Variants in ATP8A2 observed in about 807,000 individuals in gnomAD.
ATP8A2 encodes the protein phospholipid-transporting ATPase IB.
Under a neutral mutation model 165.6 loss-of-function variants are expected in ATP8A2, and 100 were observed. The ratio of observed to expected loss-of-function variants is 0.60; its 90% CI spans 0.51 to 0.71. ATP8A2 has a LOEUF of 0.71. ATP8A2 is among the 30% of genes least tolerant of loss of function. ATP8A2 has a pLI of 0.00. For missense variants in ATP8A2, 1,227 were observed against 1,479.5 expected (o/e 0.83, Z 2.80); for synonymous variants, 543 against 548.8 (o/e 0.99, Z 0.15).
intron 33 of ATP8A2, among the ~76,000 whole-genome samples, chr13:25,927,915 C>T (rs978042168): frequency 2.0e-5 from 3 of 152,164 alleles, no homozygotes; most frequent in South Asian, 2.1e-4. Context: ...TTTACATTGC[C>T]GAAGATGGCT....
At chr13:25,837,077 A>G (rs1951632266) in intron 28 of ATP8A2, 86 bp from the exon 29 acceptor site, 1 of 1,531,464 alleles carries the variant, frequency 6.5e-7, no homozygotes, top group Non-Finnish European at 8.8e-7. Flanking sequence ...CTTGACTGGA[A>G]GTGAAGTCAT....
chr13:25,497,680 C>T (rs918030207), intron 2 of ATP8A2, among the ~76,000 whole-genome samples: 8 of 152,044 alleles, frequency 5.3e-5, no homozygotes, highest in Non-Finnish European at 7.4e-5. Flanking sequence ...CAGCCGGGCA[C>T]GGTGGCTCAT....
chr13:25,783,168 C>T (rs143158256), intron 27 of ATP8A2, among the ~76,000 whole-genome samples: 7 of 152,222 alleles, frequency 4.6e-5, no homozygotes, highest in Admixed American at 4.6e-4. Context: ...AGCGTAAGTG[C>T]TCTGATGGCT....
intron 25 of ATP8A2, among the ~76,000 whole-genome samples, chr13:25,736,235 G>A (rs923993476): frequency 6.6e-5 from 10 of 152,272 alleles, no homozygotes; most frequent in African/African-American, 1.4e-4. Flanking sequence ...TATGTGATGC[G>A]TGACTACATT....
intron 28 of ATP8A2, 110 bp from the exon 29 acceptor site, chr13:25,837,053 G>GTC (rs1390959653): frequency 6.7e-6 from 9 of 1,351,596 alleles, no homozygotes; most frequent in Non-Finnish European, 7.1e-6. Context: ...GAATCATGGA[G>GTC]TCTCAGGTTT....
intron 25 of ATP8A2, among the ~76,000 whole-genome samples, chr13:25,702,856 C>G (rs2042979314): frequency 6.6e-6 from 1 of 152,058 alleles, no homozygotes; most frequent in Non-Finnish European, 1.5e-5. Flanking sequence ...TTCTGTGGCA[C>G]CTTTCTCTTC....
chr13:25,866,099 G>GACC lies in ATP8A2; in HGVS notation c.3183+3693_3183+3695dup, dbSNP rs1005783980. Among the ~76,000 whole-genome samples the GACC allele has an allele frequency of 2.4e-3, 364 of 152,266 alleles. 1 individual carries two copies. Among genetic ancestry groups the GACC allele is most frequent in the African/African-American group, 8.4e-3 (351 of 41,558 alleles). Reference sequence around the variant, plus strand: ...GAAAGATGATGGAAACTTGATCCTAGACCAGGTCAGGAAATGTGTTTCTGT... The same window carrying GACC: ...GAAAGATGATGGAAACTTGATCCTAGACCACCAGGTCAGGAAATGTGTTTCTGT... On this transcript the variant is annotated intron_variant, in intron 33 of 36. Transcript: ENST00000381655.
intron 27 of ATP8A2, among the ~76,000 whole-genome samples, chr13:25,787,216 C>G (rs1193604561): frequency 6.6e-6 from 1 of 152,266 alleles, no homozygotes; most frequent in East Asian, 1.9e-4. Flanking sequence ...TAGTTAACCC[C>G]TGTCCCCCTC....
At chr13:25,703,852 A>C (rs1566063126) in intron 25 of ATP8A2, among the ~76,000 whole-genome samples, 1 of 152,212 alleles carries the variant, frequency 6.6e-6, no homozygotes, top group Non-Finnish European at 1.5e-5. Flanking sequence ...AGTGTTTTTG[A>C]ACAGGCTACA....
At position 26,025,748 on chromosome 13, in the gene ATP8A2, T is replaced by C. The variant is rs1164091297; in HGVS notation, c.*5763T>C. On this transcript the variant is annotated 3_prime_UTR_variant, in exon 37 of 37. Coordinates refer to ENST00000381655, the MANE Select transcript of ATP8A2 (RefSeq NM_016529.6). Reference sequence around the variant, plus strand: ...CAAACGGAGGGCATCTACTTGTATTTTTAGAAGTTTTGGGAGAATTTAGTG... The same window carrying C: ...CAAACGGAGGGCATCTACTTGTATTCTTAGAAGTTTTGGGAGAATTTAGTG... 6.6e-6 allele frequency: 1 copy of C among 152,200 alleles called. No homozygotes were observed. Among genetic ancestry groups the C allele is most frequent in the Non-Finnish European group, 1.5e-5 (1 of 68,052 alleles). 9.4% of individuals were successfully genotyped at this position (152,200 alleles called of 1,614,324 possible).
chr13:25,400,710 C>T (rs2033609799), intron 1 of ATP8A2, among the ~76,000 whole-genome samples: 1 of 152,196 alleles, frequency 6.6e-6, no homozygotes, highest in African/African-American at 2.4e-5. Flanking sequence ...CACCAGACAG[C>T]ATGAGGTCAC....
At chr13:25,527,599 T>C (rs1213940114) in intron 2 of ATP8A2, among the ~76,000 whole-genome samples, 1 of 152,220 alleles carries the variant, frequency 6.6e-6, no homozygotes, top group African/African-American at 2.4e-5. Flanking sequence ...TCTGAATTAT[T>C]GATCATGCTT....
chr13:25,689,458 T>C (rs73154512), intron 24 of ATP8A2, among the ~76,000 whole-genome samples: 15,963 of 152,242 alleles, frequency 0.1, 963 homozygotes, highest in East Asian at 0.26. Context: ...ATAATTTATC[T>C]GGTAGTTTCA....
chr13:25,828,032 G>C (rs1951364441), intron 27 of ATP8A2, 86 bp from the exon 28 acceptor site: 12 of 1,011,636 alleles, frequency 1.2e-5, no homozygotes, highest in Non-Finnish European at 1.9e-5. Context: ...TCCAGCTGGT[G>C]GTCCACATTC....
intron 24 of ATP8A2, among the ~76,000 whole-genome samples, chr13:25,629,140 C>G (rs548061309): frequency 6.6e-6 from 1 of 152,276 alleles, no homozygotes; most frequent in South Asian, 2.1e-4. Context: ...ATCAAACCAG[C>G]ATTGTACCCT....
chr13:25,523,264 T>G (rs1436471499), intron 2 of ATP8A2, among the ~76,000 whole-genome samples: 1 of 149,798 alleles, frequency 6.7e-6, no homozygotes, highest in Non-Finnish European at 1.5e-5. Context: ...TTCAAGGCTT[T>G]AGGATAACTT....
intron 27 of ATP8A2, among the ~76,000 whole-genome samples, chr13:25,821,945 T>C (rs894574396): frequency 5.9e-5 from 9 of 152,328 alleles, no homozygotes; most frequent in African/African-American, 2.2e-4. Context: ...AGTCTCCCTC[T>C]TTCCCCCAGA....
intron 16 of ATP8A2, 71 bp downstream of exon 16, chr13:25,564,102 G>T: frequency 8.8e-7 from 1 of 1,134,848 alleles, no homozygotes; most frequent in Admixed American, 1.7e-5. Context: ...TATGCATGTA[G>T]TATTTTGCAA....
At chr13:25,384,838 A>G (rs139303098) in intron 1 of ATP8A2, among the ~76,000 whole-genome samples, 2,232 of 152,276 alleles carry the variant, frequency 0.015, 26 homozygotes, top group Middle Eastern at 0.044. Context: ...TTATGATTCC[A>G]GAACCCCCAT....
Sources: allele counts gnomAD v4.1 joint callset (sites outside exome capture counted in the v4.1 genomes callset), GRCh38; gene constraint gnomAD v4.1.1; transcripts MANE v1.5; gene names NCBI Gene and HGNC (gene_info 2026-07-23, HGNC 2026-07-21).